The following RORA variants were observed in gnomAD, a reference collection of about 807,000 sequenced individuals.
RORA encodes the protein RAR related orphan receptor A.
RORA carries 7 observed loss-of-function variants against 69.5 expected under a neutral mutation model. The ratio of observed to expected loss-of-function variants is 0.10; its 90% CI spans 0.06 to 0.19. The LOEUF (loss-of-function observed/expected upper bound fraction) is 0.19. Among genes scored for constraint, RORA ranks in the 10% least tolerant of loss-of-function variants. The probability of loss-of-function intolerance (pLI) is 1.00; values close to 1 mark genes in which losing one functional copy is unlikely to be tolerated. For missense variants in RORA, 457 were observed against 663.0 expected (o/e 0.69, Z 3.41); for synonymous variants, 261 against 240.8 (o/e 1.08, Z -0.78).
At chr15:60,859,871 G>A (rs1430270868) in intron 1 of RORA, among the ~76,000 whole-genome samples, 1 of 151,996 alleles carries the variant, frequency 6.6e-6, no homozygotes, top group Non-Finnish European at 1.5e-5. Flanking sequence ...TAGCAAACGA[G>A]CTGAGGAAGG....
chr15:61,167,673 A>G (rs1278805414), intron 1 of RORA, among the ~76,000 whole-genome samples: 3 of 152,152 alleles, frequency 2.0e-5, no homozygotes, highest in Non-Finnish European at 2.9e-5. Context: ...TTGAAAACCA[A>G]CCTTTCAAAT....
chr15:60,950,244 A>G (rs1415532526), intron 1 of RORA, among the ~76,000 whole-genome samples: 1 of 150,036 alleles, frequency 6.7e-6, no homozygotes, highest in Non-Finnish European at 1.5e-5. Flanking sequence ...ATGCTGAGAG[A>G]TTTTGTCACC....
chr15:61,158,874 G>T (rs547377600), intron 1 of RORA, among the ~76,000 whole-genome samples: 1 of 152,164 alleles, frequency 6.6e-6, no homozygotes, highest in African/African-American at 2.4e-5. Flanking sequence ...GGGGAGGTCC[G>T]CAAGGAAAAG....
chr15:61,056,321 A>G (rs1190896441), intron 1 of RORA, among the ~76,000 whole-genome samples: 11 of 152,202 alleles, frequency 7.2e-5, no homozygotes, highest in Non-Finnish European at 1.3e-4. Context: ...TGAGGTTCAG[A>G]GACGTTAAGC....
At chr15:61,074,995 G>A (rs998904264) in intron 1 of RORA, among the ~76,000 whole-genome samples, 3 of 151,936 alleles carry the variant, frequency 2.0e-5, no homozygotes, top group East Asian at 3.9e-4. Flanking sequence ...GCTGAGGCAT[G>A]AGAATCACTT....
intron 1 of RORA, among the ~76,000 whole-genome samples, chr15:60,762,278 T>C (rs1237156165): frequency 6.6e-6 from 1 of 152,174 alleles, no homozygotes; most frequent in Non-Finnish European, 1.5e-5. Context: ...CAAGATAACA[T>C]CTCTGGGAGG....
chr15:60,829,094 A>G lies in RORA; in HGVS notation c.167-150408T>C, dbSNP rs188718519. On this transcript the variant is annotated intron_variant, in intron 1 of 10. Coordinates refer to ENST00000335670, the MANE Select transcript of RORA (RefSeq NM_134261.3). ...GAACCAGTCAGACAGAGCATTCAGT[A>G]AGAACCTATCAGGGAGGAGATGCCT... 6.3e-4 allele frequency among the ~76,000 whole-genome samples: 96 copies of G among 152,252 alleles called. No individual in the cohort carries two copies. The East Asian group carries it at 0.015, about 23-fold the overall frequency.
At chr15:60,901,500 A>G (rs1891392418) in intron 1 of RORA, among the ~76,000 whole-genome samples, 1 of 152,192 alleles carries the variant, frequency 6.6e-6, no homozygotes, top group South Asian at 2.1e-4. Flanking sequence ...GGTTCTGTCC[A>G]TTTTTACAGC....
Position 60,944,204 on chromosome 15 carries a change from G to A in RORA, c.167-265518C>T, listed in dbSNP as rs570736523. On this transcript the variant is annotated intron_variant, in intron 1 of 10. Coordinates refer to ENST00000335670, the MANE Select transcript of RORA (RefSeq NM_134261.3). ...AAATTCCTGAGGCCCAGGCCACCCTGGTCCCACCTGGGAAGTCTGATGTAA... is the reference window on the plus strand; with the variant it reads ...AAATTCCTGAGGCCCAGGCCACCCTAGTCCCACCTGGGAAGTCTGATGTAA... Among the ~76,000 whole-genome samples the A allele has an allele frequency of 1.9e-4, 29 of 152,192 alleles. 1 individual carries two copies. The South Asian group carries it at 6.0e-3, about 32-fold the overall frequency.
intron 1 of RORA, among the ~76,000 whole-genome samples, chr15:60,866,188 C>T (rs1359330924): frequency 1.3e-5 from 2 of 152,172 alleles, no homozygotes; most frequent in South Asian, 2.1e-4. Context: ...TAACCATCTC[C>T]TCTTTATATC....
At chr15:60,795,320 G>A (rs1350616555) in intron 1 of RORA, among the ~76,000 whole-genome samples, 2 of 152,160 alleles carry the variant, frequency 1.3e-5, no homozygotes, top group African/African-American at 2.4e-5. Flanking sequence ...TGCTCACCAC[G>A]AAACAACAAG....
At chr15:61,152,051 G>A (rs774836410) in intron 1 of RORA, among the ~76,000 whole-genome samples, 7 of 152,126 alleles carry the variant, frequency 4.6e-5, no homozygotes, top group Admixed American at 2.0e-4. Context: ...TTCATTCTCC[G>A]CAGCTCAATA....
chr15:60,976,037 C>T (rs1893863656), intron 1 of RORA, among the ~76,000 whole-genome samples: 1 of 152,256 alleles, frequency 6.6e-6, no homozygotes. Flanking sequence ...CTGGAGGACT[C>T]ATGTAACTTC....
rs76060336 is a variant in RORA at position 61,068,722 on chromosome 15, C to T, written c.166+160331G>A. Reference sequence around the variant, plus strand: ...GAGTCTCAGGTACTGGAAATGACCACATTCACCCATGTATAAGCTTTAGCT... The same window carrying T: ...GAGTCTCAGGTACTGGAAATGACCATATTCACCCATGTATAAGCTTTAGCT... On this transcript the variant is annotated intron_variant, in intron 1 of 10. Coordinates refer to ENST00000335670, the MANE Select transcript of RORA (RefSeq NM_134261.3). Among the ~76,000 whole-genome samples, 868 of 152,336 alleles carry T rather than the reference C, an allele frequency of 5.7e-3. 7 individuals carry two copies. The highest frequency in any genetic ancestry group is 0.02 in the African/African-American group (834 of 41,564).
intron 1 of RORA, among the ~76,000 whole-genome samples, chr15:60,859,306 A>G (rs1014041351): frequency 6.6e-6 from 1 of 151,650 alleles, no homozygotes; most frequent in African/African-American, 2.4e-5. Context: ...TGTTCCCTAT[A>G]TTTGGCATGG....
intron 1 of RORA, among the ~76,000 whole-genome samples, chr15:60,751,854 T>G (rs911492097): frequency 6.6e-6 from 1 of 152,154 alleles, no homozygotes; most frequent in Non-Finnish European, 1.5e-5. Flanking sequence ...CAAAACTGCA[T>G]AGACCACTCT....
intron 1 of RORA, among the ~76,000 whole-genome samples, chr15:60,767,129 T>G (rs779582075): frequency 1.4e-4 from 21 of 152,220 alleles, no homozygotes; most frequent in Non-Finnish European, 2.8e-4. Flanking sequence ...CTTGGAAAAT[T>G]GGAAGGTGTG....
chr15:61,214,753 G>A (rs558678938), intron 1 of RORA, among the ~76,000 whole-genome samples: 3 of 152,212 alleles, frequency 2.0e-5, no homozygotes, highest in East Asian at 3.9e-4. Context: ...CCACCCTAAC[G>A]GTTGAAAACT....
intron 1 of RORA, among the ~76,000 whole-genome samples, chr15:60,832,846 T>C (rs1850267250): frequency 6.6e-6 from 1 of 152,192 alleles, no homozygotes; most frequent in South Asian, 2.1e-4. Context: ...GCCTACACTG[T>C]GTCTCCCGCC....
Sources: gnomAD v4.1 joint callset for allele counts (sites outside exome capture counted in the v4.1 genomes callset) on GRCh38, gnomAD v4.1.1 for gene constraint, MANE v1.5 for transcripts, NCBI Gene and HGNC (gene_info 2026-07-23, HGNC 2026-07-21) for gene names.